The following PTPRO variants were observed in gnomAD, a reference collection of about 807,000 sequenced individuals.
PTPRO encodes receptor-type tyrosine-protein phosphatase O.
In PTPRO, 62 loss-of-function variants were observed where a neutral mutation model predicts 145.2. That is an observed-to-expected ratio of 0.43 (90% CI 0.35 to 0.53). The LOEUF (loss-of-function observed/expected upper bound fraction) is 0.53. Ranked by LOEUF, PTPRO falls within the 20% of genes least tolerant of loss-of-function variation. The probability of loss-of-function intolerance (pLI) is 0.01; values close to 1 mark genes in which losing one functional copy is unlikely to be tolerated. For synonymous variants in PTPRO, 565 were observed against 514.7 expected, an observed-to-expected ratio of 1.10 and a Z score of -1.32; for missense variants, 1,345 against 1,482.7, an observed-to-expected ratio of 0.91 and a Z score of 1.53.
At chr12:15,465,657 T>C (rs886246241) in intron 1 of PTPRO, among the ~76,000 whole-genome samples, 1 of 152,116 alleles carries the variant, frequency 6.6e-6, no homozygotes, top group African/African-American at 2.4e-5. Flanking sequence ...ACTTGAATAG[T>C]GTCAGATATT....
At chr12:15,545,945 G>T (rs1395258369) in intron 12 of PTPRO, among the ~76,000 whole-genome samples, 1 of 151,346 alleles carries the variant, frequency 6.6e-6, no homozygotes, top group African/African-American at 2.4e-5. Context: ...AGCCAGGGAA[G>T]ATGAGGCTTC....
intron 1 of PTPRO, among the ~76,000 whole-genome samples, chr12:15,442,806 T>G (rs1940805630): frequency 1.3e-5 from 2 of 151,718 alleles, no homozygotes; most frequent in South Asian, 2.1e-4. Flanking sequence ...TACAAAACAC[T>G]GCAAAAAGAA....
intron 1 of PTPRO, among the ~76,000 whole-genome samples, chr12:15,452,372 A>G (rs1368635820): frequency 6.6e-6 from 1 of 152,222 alleles, no homozygotes; most frequent in African/African-American, 2.4e-5. Flanking sequence ...CAACAACAAA[A>G]GTCCAGGACT....
chr12:15,336,567 T>C (rs1866769426), intron 1 of PTPRO, among the ~76,000 whole-genome samples: 1 of 152,178 alleles, frequency 6.6e-6, no homozygotes, highest in Non-Finnish European at 1.5e-5. Flanking sequence ...TTATTTTCCA[T>C]TTTTTCACAA....
chr12:15,338,819 T>C (rs1415483783), intron 1 of PTPRO, among the ~76,000 whole-genome samples: 2 of 152,126 alleles, frequency 1.3e-5, no homozygotes, highest in Non-Finnish European at 2.9e-5. Context: ...AGGAAAAGAA[T>C]GGATGAAGTA....
chr12:15,367,097 G>T (rs1938385002), intron 1 of PTPRO, among the ~76,000 whole-genome samples: 2 of 152,180 alleles, frequency 1.3e-5, no homozygotes, highest in African/African-American at 2.4e-5. Flanking sequence ...CACAGCTACA[G>T]TTAATACATA....
chr12:15,376,994 T>C (rs559611652), intron 1 of PTPRO, among the ~76,000 whole-genome samples: 5 of 152,320 alleles, frequency 3.3e-5, no homozygotes, highest in African/African-American at 1.2e-4. Flanking sequence ...GCAGCAATTG[T>C]TAAACTGTGT....
chr12:15,361,323 C>G (rs1938200317), intron 1 of PTPRO, among the ~76,000 whole-genome samples: 1 of 150,440 alleles, frequency 6.6e-6, no homozygotes, highest in Non-Finnish European at 1.5e-5. Flanking sequence ...CCTGTAATCT[C>G]AACTACTCGG....
intron 1 of PTPRO, among the ~76,000 whole-genome samples, chr12:15,355,833 A>G (rs1044848046): frequency 3.3e-5 from 5 of 152,256 alleles, no homozygotes; most frequent in Admixed American, 2.0e-4. Context: ...ACAAAAAAGT[A>G]TCTATTCGTT....
intron 11 of PTPRO, 117 bp downstream of exon 11, chr12:15,525,082 T>C: frequency 7.8e-7 from 1 of 1,280,948 alleles, no homozygotes; most frequent in Non-Finnish European, 1.1e-6. Flanking sequence ...GTTGTCTGTT[T>C]TAGGCTCTGG....
At position 15,513,201 on chromosome 12, in the gene PTPRO, GAAA is replaced by G. The variant is rs1942498905; in HGVS notation, c.1465-2296_1465-2294del. On this transcript the variant is annotated intron_variant, in intron 7 of 26. Transcript: ENST00000281171. ...AGAAAGAAAGAAAGAAAGAAAGAAA[GAAA>G]GAAAGAAAGAAAGAAAGAAAGAAAA... 1.9e-5 allele frequency among the ~76,000 whole-genome samples: 2 copies of G among 105,104 alleles called. 1 individual carries two copies. Among genetic ancestry groups the G allele is most frequent in the African/African-American group, 8.5e-5 (2 of 23,616 alleles). 69.0% of individuals were successfully genotyped at this position (105,104 alleles called of 152,430 possible).
chr12:15,456,027 G>T (rs1941168807), intron 1 of PTPRO, among the ~76,000 whole-genome samples: 3 of 152,138 alleles, frequency 2.0e-5, no homozygotes, highest in Admixed American at 1.3e-4. Context: ...GGTGGTAAAA[G>T]TGGGCATCTT....
chr12:15,521,174 T>C (rs1942712717), intron 10 of PTPRO, among the ~76,000 whole-genome samples: 1 of 152,118 alleles, frequency 6.6e-6, no homozygotes, highest in Admixed American at 6.6e-5. Flanking sequence ...AGGAATAATT[T>C]TGGCAAATAG....
At chr12:15,432,994 T>G (rs1940487154) in intron 1 of PTPRO, among the ~76,000 whole-genome samples, 1 of 152,074 alleles carries the variant, frequency 6.6e-6, no homozygotes, top group Non-Finnish European at 1.5e-5. Flanking sequence ...TTTTTGTTGT[T>G]GTTGTTGTTG....
chr12:15,367,402 A>G (rs1938395164), intron 1 of PTPRO, among the ~76,000 whole-genome samples: 1 of 152,230 alleles, frequency 6.6e-6, no homozygotes, highest in Non-Finnish European at 1.5e-5. Context: ...GCAAAATTTC[A>G]GATGCAGCAA....
Position 15,520,243 on chromosome 12 carries a change from G to A in PTPRO, c.1822G>A (p.Val608Ile), listed in dbSNP as rs768067813. Residue 608 changes from valine (V) to isoleucine (I), a missense_variant, in exon 10 of 27, where the codon GTT becomes ATT. Val to Ile is a conservative substitution (Grantham distance 29, BLOSUM62 3). Around this residue, in one of 3 missense-constraint regions of PTPRO, gnomAD observed 1,130 missense variants for 1,214.7 expected, o/e 0.93. Transcript: ENST00000281171. ...GCCAGCATGGTACTACAACTTCCGG[G>A]TTACCATGGTGACGTGGGGAGATCC... Reference protein sequence around the residue: ...LLPAWYYNFRVTMVTWGDPEL... With the variant: ...LLPAWYYNFRITMVTWGDPEL... The A allele has an allele frequency of 6.2e-7, 1 of 1,613,718 alleles. No homozygotes were observed. Among genetic ancestry groups the A allele is most frequent in the East Asian group, 2.2e-5 (1 of 44,880 alleles).
intron 1 of PTPRO, among the ~76,000 whole-genome samples, chr12:15,371,398 A>C (rs1464463559): frequency 6.6e-6 from 1 of 152,092 alleles, no homozygotes; most frequent in Non-Finnish European, 1.5e-5. Context: ...CGCCAGGCTA[A>C]TATTTTGTAT....
At chr12:15,490,034 G>A (rs1941968419) in intron 2 of PTPRO, among the ~76,000 whole-genome samples, 1 of 152,176 alleles carries the variant, frequency 6.6e-6, no homozygotes, top group Non-Finnish European at 1.5e-5. Context: ...TAGAAATGTT[G>A]AAGAACTTTA....
intron 10 of PTPRO, among the ~76,000 whole-genome samples, chr12:15,521,428 C>T (rs1942719183): frequency 1.3e-5 from 2 of 152,114 alleles, no homozygotes; most frequent in South Asian, 4.2e-4. Context: ...TAGTCTTTTG[C>T]CTATAATGAT....
Sources: gnomAD v4.1 joint callset for allele counts (sites outside exome capture counted in the v4.1 genomes callset) on GRCh38, gnomAD v4.1.1 for gene constraint, gnomAD v4.1.1 regional missense constraint, MANE v1.5 for transcripts, NCBI Gene and HGNC (gene_info 2026-07-23, HGNC 2026-07-21) for gene names.